Variants in SBF2 observed in about 807,000 individuals in gnomAD.
The protein encoded by SBF2 is SET binding factor 2.
Under a neutral mutation model 225.2 loss-of-function variants are expected in SBF2, and 112 were observed. The ratio of observed to expected loss-of-function variants is 0.50; its 90% CI spans 0.43 to 0.58. The LOEUF is 0.58. Among genes scored for constraint, SBF2 ranks in the 20% least tolerant of loss-of-function variants. The probability of loss-of-function intolerance (pLI) is 0.00; values close to 1 mark genes in which losing one functional copy is unlikely to be tolerated. For missense variants in SBF2, 1,996 were observed against 2,206.2 expected (o/e 0.90, Z 1.91); for synonymous variants, 763 against 773.3 (o/e 0.99, Z 0.22).
intron 16 of SBF2, chr11:9,956,566 T>C (rs930875637): frequency 2.0e-4 from 5 of 25,194 alleles, no homozygotes; most frequent in African/African-American, 4.6e-4. Context: ...TTTCCTTAAC[T>C]CTTTTTTTTT....
In SBF2 at chr11:9,989,052, A is replaced by ATATATATATATATATATATATG. The variant is rs1347138364; in HGVS notation, c.1395+444_1395+445insCATATATATATATATATATATA. 9.8e-4 allele frequency among the ~76,000 whole-genome samples: 148 copies of ATATATATATATATATATATATG among 151,626 alleles called. 1 individual carries two copies. Among genetic ancestry groups the ATATATATATATATATATATATG allele is most frequent in the African/African-American group, 3.4e-3 (141 of 41,374 alleles). On this transcript the variant is annotated intron_variant, in intron 13 of 39. Coordinates refer to ENST00000256190, the MANE Select transcript of SBF2 (RefSeq NM_030962.4). ...GAAACTGTGCCAAATATATATATAT[A>ATATATATATATATATATATATG]TATACATATGCATACATACACATAC...
intron 20 of SBF2, 21 bp downstream of exon 20, chr11:9,853,503 CAATATTCTGATTCTCT>C (rs759787485): frequency 6.3e-7 from 1 of 1,585,546 alleles, no homozygotes; most frequent in Non-Finnish European, 8.7e-7. Flanking sequence ...CAATAATCTC[CAATATTCTGATTCTCT>C]AATATCTGCA....
At chr11:10,098,240 T>C (rs1471444083) in intron 2 of SBF2, among the ~76,000 whole-genome samples, 2 of 152,018 alleles carry the variant, frequency 1.3e-5, no homozygotes, top group Non-Finnish European at 2.9e-5. Context: ...AAGGAGGCTC[T>C]CAACAATGGA....
chr11:9,972,555 G>A (rs1385417842), intron 13 of SBF2, among the ~76,000 whole-genome samples: 2 of 152,036 alleles, frequency 1.3e-5, no homozygotes, highest in Non-Finnish European at 2.9e-5. Flanking sequence ...ATCTCTGCTC[G>A]CTGCAACCTC....
intron 1 of SBF2, among the ~76,000 whole-genome samples, chr11:10,226,131 G>A (rs918717197): frequency 2.6e-4 from 39 of 152,104 alleles, no homozygotes; most frequent in African/African-American, 7.2e-4. Context: ...TCATGGTCAC[G>A]ACCCGGTCAC....
intron 16 of SBF2, among the ~76,000 whole-genome samples, chr11:9,912,080 G>C (rs1862668792): frequency 6.6e-6 from 1 of 151,972 alleles, no homozygotes; most frequent in Non-Finnish European, 1.5e-5. Context: ...ACTTTGGGAG[G>C]CTAAGGCAGG....
intron 1 of SBF2, among the ~76,000 whole-genome samples, chr11:10,198,724 A>C (rs1957468233): frequency 6.6e-6 from 1 of 152,178 alleles, no homozygotes; most frequent in Non-Finnish European, 1.5e-5. Flanking sequence ...TCTTAGCTAG[A>C]TCTTCTGCAT....
At chr11:10,265,508 G>A (rs947448750) in intron 1 of SBF2, among the ~76,000 whole-genome samples, 1 of 93,594 alleles carries the variant, frequency 1.1e-5, no homozygotes, top group African/African-American at 4.0e-5. Flanking sequence ...GGGGGGAGAG[G>A]TGGGGGGGTA....
intron 2 of SBF2, among the ~76,000 whole-genome samples, chr11:10,128,491 T>G (rs1355653780): frequency 1.3e-5 from 2 of 152,218 alleles, no homozygotes; most frequent in Non-Finnish European, 2.9e-5. Context: ...AGAGATTATA[T>G]TTTTTACAAA....
At chr11:10,258,937 A>T (rs60846119) in intron 1 of SBF2, among the ~76,000 whole-genome samples, 2,198 of 152,330 alleles carry the variant, frequency 0.014, 42 homozygotes, top group African/African-American at 0.037. Context: ...AAAGGCCAAC[A>T]GAAAAAATGA....
intron 2 of SBF2, among the ~76,000 whole-genome samples, chr11:10,100,610 G>A (rs1436472487): frequency 6.6e-6 from 1 of 152,188 alleles, no homozygotes; most frequent in Admixed American, 6.5e-5. Context: ...GTCATGGAGT[G>A]CTTATAGCTG....
Position 10,031,071 on chromosome 11 carries a change from A to T in SBF2, c.379T>A (p.Leu127Ile). The change falls in exon 4 of 40, where the codon TTA becomes ATA. Residue 127 changes from leucine to isoleucine, a missense_variant. By Grantham distance (5) the Leu-to-Ile change is conservative. Transcript: ENST00000256190. ...ACCCTAAAAATTTCTGGATAATATA[A>T]TCTGGATACCAACACCAGGCTTTTG... ...APKSLVLVSR[L>I]YYPEIFRACL... 1 of 1,613,056 alleles carries T rather than the reference A, an allele frequency of 6.2e-7. No homozygotes were observed.
chr11:10,111,491 A>C (rs1312215667), intron 2 of SBF2, among the ~76,000 whole-genome samples: 1 of 152,252 alleles, frequency 6.6e-6, no homozygotes, highest in Admixed American at 6.5e-5. Context: ...TTAATGCATA[A>C]TTTTGGAGTG....
chr11:10,213,509 T>C (rs1398123446), intron 1 of SBF2, among the ~76,000 whole-genome samples: 2 of 152,210 alleles, frequency 1.3e-5, no homozygotes, highest in African/African-American at 2.4e-5. Flanking sequence ...CTCTCTGAAT[T>C]TGATTTCATA....
chr11:10,294,026 T>C lies in SBF2; in HGVS notation c.44A>G (p.His15Arg), dbSNP rs1160112588. 5.0e-6 allele frequency: 7 copies of C among 1,402,146 alleles called. No homozygotes were observed. The highest frequency in any genetic ancestry group is 6.5e-6 in the Non-Finnish European group (7 of 1,071,962). The allele number at this position is 1,402,146 out of a possible 1,614,324, so 86.9% of individuals were successfully genotyped here. The change falls in exon 1 of 40, where the codon CAC becomes CGC. Residue 15 changes from histidine (H) to arginine (R), a missense_variant. Transcript: ENST00000256190. ...ADYFIVVGYD[H>R]EKPGSGEGLG... Reference sequence around the variant, plus strand: ...CCCCACACCCTTACCTGGCTTCTCGTGGTCATAGCCTACCACGATGAAGTA... The same window carrying C: ...CCCCACACCCTTACCTGGCTTCTCGCGGTCATAGCCTACCACGATGAAGTA...
chr11:10,061,015 G>A (rs1217333610), intron 2 of SBF2, among the ~76,000 whole-genome samples: 2 of 151,712 alleles, frequency 1.3e-5, no homozygotes, highest in African/African-American at 2.4e-5. Context: ...GCAACAGAGC[G>A]AGACTCCATC....
At chr11:9,985,326 T>G (rs557136482) in intron 13 of SBF2, among the ~76,000 whole-genome samples, 81 of 152,206 alleles carry the variant, frequency 5.3e-4, no homozygotes, top group Non-Finnish European at 1.1e-3. Flanking sequence ...TGTTTTTTTT[T>G]GTTTTGTTTT....
At chr11:9,953,250 C>A (rs965561077) in intron 16 of SBF2, among the ~76,000 whole-genome samples, 3 of 152,114 alleles carry the variant, frequency 2.0e-5, no homozygotes, top group African/African-American at 7.2e-5. Context: ...TCAAGACCAG[C>A]CTGGCCAAGA....
chr11:9,901,761 C>T (rs966153107), intron 16 of SBF2, among the ~76,000 whole-genome samples: 1 of 152,146 alleles, frequency 6.6e-6, no homozygotes, highest in Non-Finnish European at 1.5e-5. Flanking sequence ...CCTCCCACCT[C>T]AGCCTCCTGA....
Sources: allele counts gnomAD v4.1 joint callset (sites outside exome capture counted in the v4.1 genomes callset), GRCh38; gene constraint gnomAD v4.1.1; transcripts MANE v1.5; gene names NCBI Gene and HGNC (gene_info 2026-07-23, HGNC 2026-07-21).